The following TSR1 variants were observed in gnomAD, a reference collection of about 807,000 sequenced individuals.
The protein encoded by TSR1 is pre-rRNA-processing protein TSR1 homolog.
In TSR1, 81 loss-of-function variants were observed where a neutral mutation model predicts 90.9. The observed-to-expected ratio is 0.89, with a 90% CI of 0.74 to 1.07. The LOEUF is 1.07. Ranked by LOEUF, TSR1 falls within the 50% of genes least tolerant of loss-of-function variation. The pLI is 0.00. For synonymous variants in TSR1, 362 were observed against 348.8 expected (o/e 1.04, Z -0.42); for missense variants, 989 against 987.3 (o/e 1.00, Z -0.02).
At chr17:2,332,048 G>C (rs936447554) in intron 8 of TSR1, 121 bp downstream of exon 8, 39 of 1,067,868 alleles carry the variant, frequency 3.7e-5, no homozygotes, top group Non-Finnish European at 5.2e-5. Flanking sequence ...TTAAATGTTA[G>C]CTCTTCAGGA....
Position 2,330,532 on chromosome 17 carries a change from G to A in TSR1, c.1753C>T (p.Leu585=). The A allele has an allele frequency of 6.2e-6, 10 of 1,613,970 alleles. No individual in the cohort carries two copies. Among genetic ancestry groups the A allele is most frequent in the Non-Finnish European group, 8.5e-6 (10 of 1,179,944 alleles). Residue 585 remains leucine, a synonymous_variant, in exon 10 of 15, where the codon CTA becomes TTA. Coordinates refer to ENST00000301364, the MANE Select transcript of TSR1 (RefSeq NM_018128.5). ...CAATTTACCTTCTGTTCATGAGGTAGTAAAGAAAATGCAATCAAGGGTGTT... is the reference window on the plus strand; with the variant it reads ...CAATTTACCTTCTGTTCATGAGGTAATAAAGAAAATGCAATCAAGGGTGTT... ...QGTPLIAFSL[L]PHEQKMSVLN... is the part of the protein sequence containing the mutation.
chr17:2,324,716 C>G lies in TSR1; in HGVS notation c.2134G>C (p.Val712Leu). 1 of 1,614,200 alleles carries G rather than the reference C, an allele frequency of 6.2e-7. No individual in the cohort carries two copies. Among genetic ancestry groups the G allele is most frequent in the Non-Finnish European group, 8.5e-7 (1 of 1,180,038 alleles). The stretch of plus-strand genomic sequence containing the variant: ...CTGTTGAAGAACATGTAACGTACTA[C>G]TGCCATCTTAGTAAAAATTTTGAAA... ...HPFKIFTKMA[V>L]VRYMFFNRED... is the part of the protein sequence containing the mutation. The change falls in exon 13 of 15, where the codon GTA becomes CTA. Residue 712 changes from valine to leucine, a missense_variant. By Grantham distance (32) the Val-to-Leu change is conservative. Transcript: ENST00000301364.
chr17:2,323,581 T>C lies in TSR1; in HGVS notation c.*615A>G. The stretch of plus-strand genomic sequence containing the variant: ...TAAGAAAATTCAAACTGGACACGTA[T>C]TCTCATCTGAACTTTATAGGTAAAC... On this transcript the variant is annotated 3_prime_UTR_variant, in exon 15 of 15. Coordinates refer to ENST00000301364, the MANE Select transcript of TSR1 (RefSeq NM_018128.5). The C allele has an allele frequency of 6.8e-7, 1 of 1,478,212 alleles. No individual in the cohort carries two copies. Among genetic ancestry groups the C allele is most frequent in the South Asian group, 1.2e-5 (1 of 86,136 alleles). The allele number at this position is 1,478,212 out of a possible 1,614,324, so 91.6% of individuals were successfully genotyped here.
At chr17:2,326,980 C>T (rs2075579550) in intron 11 of TSR1, among the ~76,000 whole-genome samples, 1 of 152,006 alleles carries the variant, frequency 6.6e-6, no homozygotes, top group Non-Finnish European at 1.5e-5. Flanking sequence ...TGGTACACGC[C>T]TGTAATCCCA....
chr17:2,336,239 C>T (rs1264989525), intron 1 of TSR1, 92 bp downstream of exon 1: 4 of 1,602,526 alleles, frequency 2.5e-6, no homozygotes, highest in South Asian at 1.1e-5. Flanking sequence ...TCGCGTGGAG[C>T]CCAGACGGGA....
rs1478540272 is a variant in TSR1, at chr17:2,325,382, T to C, written c.1942A>G (p.Met648Val). Residue 648 changes from methionine to valine, a missense_variant, in exon 12 of 15, where the codon ATG becomes GTG. Met to Val is a conservative substitution (Grantham distance 21). Transcript: ENST00000301364. The stretch of plus-strand genomic sequence containing the variant: ...GCATAGACTGTCGCCACCAGGGCCA[T>C]GTCAGCAGTCAGGAATCTCTGCAAT... ...HKLQRFLTAD[M>V]ALVATVYAPI... is the part of the protein sequence containing the mutation. 2.5e-6 allele frequency: 4 copies of C among 1,613,430 alleles called. No individual in the cohort carries two copies. Among genetic ancestry groups the C allele is most frequent in the South Asian group, 1.1e-5 (1 of 90,878 alleles).
At chr17:2,324,944 C>T (rs1268510602) in intron 12 of TSR1, 115 bp from the exon 13 acceptor site, 1 of 1,212,900 alleles carries the variant, frequency 8.2e-7, no homozygotes, top group Non-Finnish European at 1.1e-6. Flanking sequence ...CTGCCCTAGC[C>T]CAATCTGAGG....
chr17:2,328,533 G>A (rs563976163), intron 11 of TSR1, among the ~76,000 whole-genome samples: 34 of 151,614 alleles, frequency 2.2e-4, no homozygotes, highest in Non-Finnish European at 4.9e-4. Context: ...AGGTTGCAGT[G>A]AGCCGAGATC....
Position 2,324,807 on chromosome 17 carries a change from T to G in TSR1, c.2043A>C (p.Thr681=). ...CTGGATCTACTGACATAAGATGGCC[T>G]GTAGCAATGAGGCTGTGCATTCCTA... The part of the protein sequence containing the change: ...KSNGMHSLIA[T]GHLMSVDPDR... The change falls in exon 13 of 15, where the codon ACA becomes ACC. Residue 681 remains threonine, a synonymous_variant. Coordinates refer to ENST00000301364, the MANE Select transcript of TSR1 (RefSeq NM_018128.5). 2 of 1,613,772 alleles carry G rather than the reference T, an allele frequency of 1.2e-6. No individual in the cohort carries two copies. Among genetic ancestry groups the G allele is most frequent in the South Asian group, 1.1e-5 (1 of 90,954 alleles).
chr17:2,324,866 ACAG>A (rs770682686), intron 12 of TSR1, 37 bp from the exon 13 acceptor site: 2 of 1,588,180 alleles, frequency 1.3e-6, no homozygotes, highest in Non-Finnish European at 1.7e-6. Context: ...TTAGGAATTT[ACAG>A]GCCAAAGTCT....
chr17:2,333,616 G>C lies in TSR1; in HGVS notation c.1082C>G (p.Pro361Arg). Residue 361 changes from proline to arginine, a missense_variant, in exon 6 of 15, where the codon CCA becomes CGA. By Grantham distance (103) the Pro-to-Arg change is moderately radical. Coordinates refer to ENST00000301364, the MANE Select transcript of TSR1 (RefSeq NM_018128.5). ...RQESLQAEVI[P>R]DPMEGEQTWP... ...GGTTTGCTCTCCCTCCATTGGATCT[G>C]GGATAACCTCTGCTTGCAAGGATTC... The C allele has an allele frequency of 6.2e-7, 1 of 1,614,072 alleles. No homozygotes were observed. The highest frequency in any genetic ancestry group is 8.5e-7 in the Non-Finnish European group (1 of 1,180,032).
At chr17:2,330,828 G>A in intron 9 of TSR1, 119 bp downstream of exon 9, 2 of 1,186,426 alleles carry the variant, frequency 1.7e-6, no homozygotes, top group Non-Finnish European at 2.4e-6. Context: ...TCTAATCAAT[G>A]ACTCAGGGGC....
In TSR1 at chr17:2,335,257, T is replaced by C. The variant is rs753141376; in HGVS notation, c.556+3A>G. 11 of 1,613,160 alleles carry C rather than the reference T, an allele frequency of 6.8e-6. No homozygotes were observed. In the Admixed American group the frequency reaches 1.5e-4, roughly 22 times the overall value. On this transcript the variant is annotated splice_donor_region_variant and intron_variant, in intron 4 of 14. Coordinates refer to ENST00000301364, the MANE Select transcript of TSR1 (RefSeq NM_018128.5). Reference sequence around the variant, plus strand: ...GGTGCACAATAAATGCTAACTCACTTACTATAGGTCGGAAGGCCCTGAGCA... The same window carrying C: ...GGTGCACAATAAATGCTAACTCACTCACTATAGGTCGGAAGGCCCTGAGCA...
At chr17:2,326,857 C>A (rs748612057) in intron 11 of TSR1, among the ~76,000 whole-genome samples, 4 of 152,198 alleles carry the variant, frequency 2.6e-5, no homozygotes, top group African/African-American at 7.2e-5. Context: ...GTAATCCCAG[C>A]ACTTTGGGAG....
intron 10 of TSR1, 54 bp from the exon 11 acceptor site, chr17:2,329,529 C>G (rs2151440573): frequency 1.2e-6 from 2 of 1,600,620 alleles, no homozygotes; most frequent in East Asian, 4.5e-5. Flanking sequence ...ATACAATTGC[C>G]TAAACTGAAA....
intron 9 of TSR1, 32 bp from the exon 10 acceptor site, chr17:2,330,657 G>A (rs1273753326): frequency 6.2e-7 from 1 of 1,600,926 alleles, no homozygotes; most frequent in Non-Finnish European, 8.5e-7. Context: ...CAATCATGGA[G>A]TTACCTTTCA....
In TSR1 at chr17:2,335,519, G is replaced by A. The variant is rs2064053423; in HGVS notation, c.413C>T (p.Ala138Val). ...RLKHRWFFTS[A>V]RPGDLHVVLD... ...TTGGTGTATACTCTAACCTGGCCTT[G>A]CTGAGGTGAAAAACCACCGATGTTT... is the stretch of plus-strand genomic sequence containing the variant. The change falls in exon 3 of 15, where the codon GCA (alanine) becomes GTA (valine). Residue 138 changes from alanine to valine, a missense_variant. Transcript: ENST00000301364. 5 of 1,613,688 alleles carry A rather than the reference G, an allele frequency of 3.1e-6. No homozygotes were observed. Among genetic ancestry groups the A allele is most frequent in the Non-Finnish European group, 4.2e-6 (5 of 1,179,986 alleles).
intron 12 of TSR1, 61 bp downstream of exon 12, chr17:2,325,243 G>A: frequency 8.0e-7 from 1 of 1,245,242 alleles, no homozygotes; most frequent in Admixed American, 2.3e-5. Flanking sequence ...ATAAACAAGA[G>A]AAAACGGTGT....
At chr17:2,333,820 G>A in intron 5 of TSR1, 104 bp from the exon 6 acceptor site, 1 of 1,390,708 alleles carries the variant, frequency 7.2e-7, no homozygotes, top group Non-Finnish European at 9.8e-7. Flanking sequence ...TGTATAAGAT[G>A]AGTGCGACAG....
Sources: allele counts gnomAD v4.1 joint callset (sites outside exome capture counted in the v4.1 genomes callset), GRCh38; gene constraint gnomAD v4.1.1; transcripts MANE v1.5; gene names NCBI Gene and HGNC (gene_info 2026-07-23, HGNC 2026-07-21).